TRERF1: variants seen among roughly 807,000 people sequenced by gnomAD.
The protein encoded by TRERF1 is transcriptional regulating factor 1, also known as transcriptional-regulating factor 1.
In TRERF1, 27 loss-of-function variants were observed where a neutral mutation model predicts 122.9. The ratio of observed to expected loss-of-function variants is 0.22; its 90% CI spans 0.16 to 0.30. The LOEUF (loss-of-function observed/expected upper bound fraction) is 0.30, where lower values mean the gene tolerates loss of function less well. Among genes scored for constraint, TRERF1 ranks in the 10% least tolerant of loss-of-function variants. TRERF1 has a pLI of 1.00. For missense variants in TRERF1, 1,248 were observed against 1,560.3 expected, an observed-to-expected ratio of 0.80 and a Z score of 3.37; for synonymous variants, 636 against 641.7, an observed-to-expected ratio of 0.99 and a Z score of 0.13.
At chr6:42,422,804 A>G (rs1301226478) in intron 2 of TRERF1, among the ~76,000 whole-genome samples, 1 of 149,926 alleles carries the variant, frequency 6.7e-6, no homozygotes, top group East Asian at 1.9e-4. Context: ...TGGCCTCTCC[A>G]CAGCCCCACA....
chr6:42,325,329 C>G (rs1764107729), intron 3 of TRERF1, among the ~76,000 whole-genome samples: 2 of 152,110 alleles, frequency 1.3e-5, no homozygotes, highest in African/African-American at 4.8e-5. Flanking sequence ...AGTTCAGCCA[C>G]CATGGAAAGC....
At chr6:42,336,226 A>G (rs1458982823) in intron 3 of TRERF1, among the ~76,000 whole-genome samples, 3 of 152,226 alleles carry the variant, frequency 2.0e-5, no homozygotes, top group African/African-American at 7.2e-5. Flanking sequence ...AATGAATGGA[A>G]GAACACATGA....
chr6:42,311,765 CAAAAA>C lies in TRERF1; in HGVS notation c.-370-11021_-370-11017del, dbSNP rs10530333. Among the ~76,000 whole-genome samples, 4 of 34,574 alleles carry C rather than the reference CAAAAA, an allele frequency of 1.2e-4. 1 individual carries two copies. The highest frequency in any genetic ancestry group is 9.1e-4 in the East Asian group (1 of 1,102). 22.7% of individuals were successfully genotyped at this position (34,574 alleles called of 152,430 possible). A position where few individuals can be genotyped will look rare whatever the true frequency, so the allele number is the denominator to read the frequency against. On this transcript the variant is annotated intron_variant, in intron 3 of 17. Coordinates refer to ENST00000372922, the Ensembl canonical transcript of TRERF1. The stretch of plus-strand genomic sequence containing the variant: ...TGGGCAACTGAGCAAGACTCCGTCT[CAAAAA>C]AAAAAAAAAAAAAAAAAAAAGAGAT...
At chr6:42,450,422 T>C (rs1429405624) in intron 2 of TRERF1, among the ~76,000 whole-genome samples, 1 of 152,238 alleles carries the variant, frequency 6.6e-6, no homozygotes, top group East Asian at 1.9e-4. Context: ...CCATGCTGAA[T>C]TGAAGCCATC....
At chr6:42,332,679 A>T (rs1382121015) in intron 3 of TRERF1, among the ~76,000 whole-genome samples, 3 of 152,176 alleles carry the variant, frequency 2.0e-5, no homozygotes, top group Admixed American at 2.0e-4. Flanking sequence ...AAGGGCCCTC[A>T]CGGTTACTTA....
intron 2 of TRERF1, among the ~76,000 whole-genome samples, chr6:42,371,418 T>G (rs1773736834): frequency 6.6e-6 from 1 of 152,044 alleles, no homozygotes; most frequent in Non-Finnish European, 1.5e-5. Flanking sequence ...CAGGAGTGGG[T>G]GGCAAAATAG....
At chr6:42,363,414 G>A (rs1010013493) in intron 2 of TRERF1, among the ~76,000 whole-genome samples, 12 of 152,094 alleles carry the variant, frequency 7.9e-5, no homozygotes, top group Non-Finnish European at 1.2e-4. Context: ...GACCCTCACC[G>A]TTTCTCGACA....
At chr6:42,270,718 T>G (rs1485761616) in intron 4 of TRERF1, among the ~76,000 whole-genome samples, 3 of 151,266 alleles carry the variant, frequency 2.0e-5, no homozygotes, top group African/African-American at 7.3e-5. Flanking sequence ...GAGGATTACT[T>G]GAGCTAAGGA....
chr6:42,293,613 T>C (rs1432478167), intron 4 of TRERF1, among the ~76,000 whole-genome samples: 2 of 152,292 alleles, frequency 1.3e-5, no homozygotes, highest in Non-Finnish European at 2.9e-5. Context: ...CTCCTGGACC[T>C]GAACCAAGTC....
Position 42,263,202 on chromosome 6 carries a change from C to T in TRERF1, c.1884+118G>A, listed in dbSNP as rs1561856558. ...AGTGACTCTGGAAGGGCCGCCCCAT[C>T]TCCAAGAAAGCAAAGGGATGTCCCC... On this transcript the variant is annotated intron_variant, in intron 8 of 17. Transcript: ENST00000372922. This position sits in a 1 kb window ranked among gnomAD's most constrained non-coding sequence, Gnocchi z 5.6. 17 of 1,457,262 alleles carry T rather than the reference C, an allele frequency of 1.2e-5. 1 individual carries two copies. The South Asian group carries it at 2.5e-4, about 22-fold the overall frequency. 90.3% of individuals were successfully genotyped at this position (1,457,262 alleles called of 1,614,324 possible). A position where few individuals can be genotyped will look rare whatever the true frequency, so the allele number is the denominator to read the frequency against.
intron 15 of TRERF1, among the ~76,000 whole-genome samples, chr6:42,239,755 A>G (rs58102560): frequency 0.14 from 20,834 of 152,094 alleles, 1,959 homozygotes; most frequent in African/African-American, 0.26. Context: ...CCATGATCCC[A>G]ATTTTTCATC....
chr6:42,408,844 C>CT (rs1191305065), intron 2 of TRERF1, among the ~76,000 whole-genome samples: 1 of 152,062 alleles, frequency 6.6e-6, no homozygotes, highest in Admixed American at 6.5e-5. Context: ...GTAAAACTAA[C>CT]TTTTTAATAC....
At chr6:42,338,307 C>T (rs1204764644) in intron 3 of TRERF1, among the ~76,000 whole-genome samples, 1 of 150,030 alleles carries the variant, frequency 6.7e-6, no homozygotes, top group Non-Finnish European at 1.5e-5. Flanking sequence ...AAATGGGCAA[C>T]CGGTCTTCTG....
At chr6:42,373,701 C>T (rs957645793) in intron 2 of TRERF1, among the ~76,000 whole-genome samples, 3 of 151,578 alleles carry the variant, frequency 2.0e-5, no homozygotes, top group Non-Finnish European at 2.9e-5. Context: ...CGTGGTGGCA[C>T]ATGCCTGTAA....
At position 42,289,343 on chromosome 6, in the gene TRERF1, C is replaced by CAA. The variant is rs145805556; in HGVS notation, c.-259+11293_-259+11294dup. On this transcript the variant is annotated intron_variant, in intron 4 of 17. Transcript: ENST00000372922. ...GAGACTCTGTCTCAAAAAAAACAAACAAACAAAAAAAAAACAAAAAAAAAC... is the reference window on the plus strand; with the variant it reads ...GAGACTCTGTCTCAAAAAAAACAAACAAAAACAAAAAAAAAACAAAAAAAAAC... Among the ~76,000 whole-genome samples, 487 of 131,028 alleles carry CAA rather than the reference C, an allele frequency of 3.7e-3. 1 individual carries two copies. The highest frequency in any genetic ancestry group is 0.013 in the African/African-American group (445 of 33,800). 86.0% of individuals were successfully genotyped at this position (131,028 alleles called of 152,430 possible). A position where few individuals can be genotyped will look rare whatever the true frequency, so the allele number is the denominator to read the frequency against.
Position 42,268,867 on chromosome 6 carries a change from G to C in TRERF1, c.724C>G (p.Gln242Glu), listed in dbSNP as rs754476187. The C allele has an allele frequency of 1.2e-6, 2 of 1,614,006 alleles. No individual in the cohort carries two copies. The highest frequency in any genetic ancestry group is 2.7e-5 in the African/African-American group (2 of 74,922). Residue 242 changes from glutamine to glutamate, a missense_variant, in exon 5 of 18, where the codon CAG becomes GAG. This residue lies in a region of TRERF1 where 946 missense variants were observed against 1,073.0 expected (regional missense o/e 0.88). Transcript: ENST00000372922. This position sits in a 1 kb window ranked among gnomAD's most constrained non-coding sequence, Gnocchi z 4.4. Reference sequence around the variant, plus strand: ...GGCTGTCCTCCCTGCACTGGCACCTGAGCCAGAGGCTGCTGGTAGTCATAA... The same window carrying C: ...GGCTGTCCTCCCTGCACTGGCACCTCAGCCAGAGGCTGCTGGTAGTCATAA...
intron 3 of TRERF1, among the ~76,000 whole-genome samples, chr6:42,313,033 C>T (rs1037195240): frequency 1.2e-4 from 19 of 152,160 alleles, no homozygotes; most frequent in Admixed American, 1.1e-3. Context: ...GGAAGCAGGC[C>T]TGATTGTTTC....
intron 2 of TRERF1, among the ~76,000 whole-genome samples, chr6:42,403,025 G>A (rs963420548): frequency 3.9e-5 from 6 of 152,234 alleles, no homozygotes; most frequent in African/African-American, 1.2e-4. Context: ...TGAGGAAGCT[G>A]GAGCCTAGTT....
intron 4 of TRERF1, among the ~76,000 whole-genome samples, chr6:42,294,798 T>C (rs1165161477): frequency 2.0e-5 from 3 of 152,290 alleles, no homozygotes; most frequent in Middle Eastern, 3.4e-3. Context: ...ATTGTTGCAA[T>C]GTACAGAGCT....
Sources: gnomAD v4.1 joint callset for allele counts (sites outside exome capture counted in the v4.1 genomes callset) on GRCh38, gnomAD v4.1.1 for gene constraint, gnomAD v4.1.1 regional missense constraint, Gnocchi (gnomAD v3.1) non-coding constraint, MANE v1.5 for transcripts, NCBI Gene and HGNC (gene_info 2026-07-23, HGNC 2026-07-21) for gene names.